R3HCC1L: variants seen among roughly 807,000 people sequenced by gnomAD.
R3HCC1L encodes coiled-coil domain-containing protein R3HCC1L.
Under a neutral mutation model 59.9 loss-of-function variants are expected in R3HCC1L, and 51 were observed. The observed-to-expected ratio is 0.85, with a 90% CI of 0.68 to 1.07. R3HCC1L has a LOEUF of 1.07. Among genes scored for constraint, R3HCC1L ranks in the 50% least tolerant of loss-of-function variants. R3HCC1L has a pLI of 0.00. For synonymous variants in R3HCC1L, 322 were observed against 315.2 expected (o/e 1.02, Z -0.23); for missense variants, 965 against 933.0 (o/e 1.03, Z -0.45).
intron 4 of R3HCC1L, among the ~76,000 whole-genome samples, chr10:98,193,002 A>G (rs1296484419): frequency 6.6e-6 from 1 of 152,196 alleles, no homozygotes; most frequent in Non-Finnish European, 1.5e-5. Context: ...TATAGAATAT[A>G]TACAATATTA....
chr10:98,233,958 T>C (rs966908388), intron 6 of R3HCC1L, among the ~76,000 whole-genome samples: 4 of 152,132 alleles, frequency 2.6e-5, no homozygotes, highest in Admixed American at 2.6e-4. Flanking sequence ...AAAAATTGAA[T>C]AACATCTTCA....
intron 4 of R3HCC1L, among the ~76,000 whole-genome samples, chr10:98,198,405 A>T (rs1277016453): frequency 6.6e-6 from 1 of 152,122 alleles, no homozygotes. Flanking sequence ...TAGTTTTGCC[A>T]GTTTGCAAGT....
chr10:98,177,535 G>T (rs567659882), intron 4 of R3HCC1L, among the ~76,000 whole-genome samples: 1 of 152,220 alleles, frequency 6.6e-6, no homozygotes, highest in African/African-American at 2.4e-5. Context: ...TAATCCTTTG[G>T]GTATATTCCC....
At chr10:98,149,826 G>C (rs1845976338) in intron 1 of R3HCC1L, among the ~76,000 whole-genome samples, 1 of 152,208 alleles carries the variant, frequency 6.6e-6, no homozygotes, top group Non-Finnish European at 1.5e-5. Context: ...ATGTCAGGCT[G>C]ATTTCTTCTA....
chr10:98,135,630 A>G (rs2133788170), intron 1 of R3HCC1L, among the ~76,000 whole-genome samples: 1 of 152,352 alleles, frequency 6.6e-6, no homozygotes, highest in African/African-American at 2.4e-5. Context: ...TGAACCATAC[A>G]GATGTTTTTA....
intron 4 of R3HCC1L, among the ~76,000 whole-genome samples, chr10:98,170,519 T>G (rs1047939587): frequency 1.3e-5 from 2 of 152,136 alleles, no homozygotes; most frequent in Admixed American, 6.5e-5. Flanking sequence ...AGAGACAGAG[T>G]CTTGCTAAGT....
At chr10:98,231,416 G>T in intron 5 of R3HCC1L, 96 bp from the exon 6 acceptor site, 1 of 1,154,478 alleles carries the variant, frequency 8.7e-7, no homozygotes, top group Non-Finnish European at 1.2e-6. Context: ...ATGGGAACAT[G>T]TAGAGAAAGG....
At position 98,222,218 on chromosome 10, in the gene R3HCC1L, T is replaced by C. The variant is rs192323398; in HGVS notation, c.1786-9294T>C. On this transcript the variant is annotated intron_variant, in intron 5 of 9. Transcript: ENST00000298999. The stretch of plus-strand genomic sequence containing the variant: ...TGTATAAGAATGCTTGTGATTTTTG[T>C]ACATTGATTTTGTATCCTGAGTCTT... 2.8e-3 allele frequency among the ~76,000 whole-genome samples: 433 copies of C among 152,334 alleles called. 2 individuals carry two copies. Among genetic ancestry groups the C allele is most frequent in the South Asian group, 0.011 (51 of 4,830 alleles).
intron 2 of R3HCC1L, among the ~76,000 whole-genome samples, chr10:98,157,779 T>G (rs1847026160): frequency 6.6e-6 from 1 of 152,208 alleles, no homozygotes; most frequent in Non-Finnish European, 1.5e-5. Context: ...AGAAGCAAAA[T>G]TATATGTGTA....
chr10:98,180,748 A>G (rs1052495602), intron 4 of R3HCC1L, among the ~76,000 whole-genome samples: 3 of 152,168 alleles, frequency 2.0e-5, no homozygotes, highest in African/African-American at 4.8e-5. Flanking sequence ...TATTGAGTTC[A>G]TAGATATTTA....
intron 5 of R3HCC1L, among the ~76,000 whole-genome samples, chr10:98,215,343 T>A (rs1174618307): frequency 6.6e-6 from 1 of 152,198 alleles, no homozygotes; most frequent in Non-Finnish European, 1.5e-5. Flanking sequence ...TTTGACACAG[T>A]GCTTTTCCCT....
chr10:98,180,546 TG>T (rs2134557939), intron 4 of R3HCC1L, among the ~76,000 whole-genome samples: 1 of 152,272 alleles, frequency 6.6e-6, no homozygotes, highest in South Asian at 2.1e-4. Flanking sequence ...TTGATTGATT[TG>T]GGGTGGAAAG....
At chr10:98,195,056 G>C (rs914451935) in intron 4 of R3HCC1L, among the ~76,000 whole-genome samples, 1 of 152,156 alleles carries the variant, frequency 6.6e-6, no homozygotes, top group African/African-American at 2.4e-5. Context: ...TCAAGATGTG[G>C]AAGCAACGTT....
At chr10:98,230,799 C>G (rs1230839717) in intron 5 of R3HCC1L, among the ~76,000 whole-genome samples, 2 of 152,192 alleles carry the variant, frequency 1.3e-5, no homozygotes, top group African/African-American at 2.4e-5. Flanking sequence ...TTTGCTGCCG[C>G]TTTCCACTTT....
intron 1 of R3HCC1L, among the ~76,000 whole-genome samples, chr10:98,153,505 A>T (rs1846491255): frequency 6.6e-6 from 1 of 151,770 alleles, no homozygotes; most frequent in Non-Finnish European, 1.5e-5. Context: ...GCCTAAGAAA[A>T]CCAGAGACCT....
rs199547354 is a variant in R3HCC1L, at chr10:98,236,018, A to T, written c.2129-6A>T. 231 of 1,612,488 alleles carry T rather than the reference A, an allele frequency of 1.4e-4. No individual in the cohort carries two copies. In the Middle Eastern group the frequency reaches 1.7e-3, roughly 12 times the overall value. Reference sequence around the variant, plus strand: ...CCTTCCTACTCCCTTCCTTTCTTCGATTCAGAGTTCCTCCAGCCAGCAAAG... The same window carrying T: ...CCTTCCTACTCCCTTCCTTTCTTCGTTTCAGAGTTCCTCCAGCCAGCAAAG... On this transcript the variant is annotated splice_region_variant and splice_polypyrimidine_tract_variant and intron_variant, in intron 8 of 9. Coordinates refer to ENST00000298999, the MANE Select transcript of R3HCC1L (RefSeq NM_001351015.2).
chr10:98,153,259 T>C (rs1306469922), intron 1 of R3HCC1L, among the ~76,000 whole-genome samples: 3 of 152,224 alleles, frequency 2.0e-5, no homozygotes, highest in Non-Finnish European at 4.4e-5. Context: ...CATTTTGTTC[T>C]GTACTAAGAA....
intron 4 of R3HCC1L, among the ~76,000 whole-genome samples, chr10:98,176,642 T>C (rs567388202): frequency 9.9e-5 from 15 of 152,194 alleles, no homozygotes; most frequent in Non-Finnish European, 1.6e-4. Context: ...GATTATGTCA[T>C]CTGCAGATAA....
chr10:98,197,504 T>C (rs1851569375), intron 4 of R3HCC1L, among the ~76,000 whole-genome samples: 2 of 152,146 alleles, frequency 1.3e-5, no homozygotes, highest in South Asian at 4.1e-4. Flanking sequence ...TGTTTGTTGA[T>C]TGATTGATTG....
Sources: allele counts gnomAD v4.1 joint callset (sites outside exome capture counted in the v4.1 genomes callset), GRCh38; gene constraint gnomAD v4.1.1; transcripts MANE v1.5; gene names NCBI Gene and HGNC (gene_info 2026-07-23, HGNC 2026-07-21).